Variants in ACTR10 observed in about 807,000 individuals in gnomAD.
ACTR10 encodes the protein actin-related protein 10.
ACTR10 carries 43 observed loss-of-function variants against 56.2 expected under a neutral mutation model. The ratio of observed to expected loss-of-function variants is 0.77; its 90% CI spans 0.60 to 0.99. ACTR10 has a LOEUF of 0.99. Among genes scored for constraint, ACTR10 ranks in the 50% least tolerant of loss-of-function variants. The pLI, the probability that ACTR10 is intolerant of heterozygous loss-of-function variation, is 0.00. For synonymous variants in ACTR10, 170 were observed against 176.3 expected (o/e 0.96, Z 0.28); for missense variants, 466 against 507.8 (o/e 0.92, Z 0.79).
intron 3 of ACTR10, among the ~76,000 whole-genome samples, chr14:58,208,564 G>A (rs954514942): frequency 2.0e-5 from 3 of 151,514 alleles, no homozygotes; most frequent in Non-Finnish European, 4.4e-5. Context: ...TAAAAAAAAA[G>A]AAAATATCGC....
chr14:58,206,629 G>A (rs897069993), intron 2 of ACTR10, among the ~76,000 whole-genome samples: 2 of 152,202 alleles, frequency 1.3e-5, no homozygotes, highest in Non-Finnish European at 2.9e-5. Context: ...AGAGAGGTCT[G>A]CCAATGATGC....
chr14:58,228,238 G>A (rs192213877), intron 10 of ACTR10, among the ~76,000 whole-genome samples: 2 of 152,292 alleles, frequency 1.3e-5, no homozygotes, highest in Admixed American at 6.5e-5. Flanking sequence ...GGTCCAGGAT[G>A]GCTGTTGGAG....
chr14:58,216,771 T>C (rs1889144292), intron 7 of ACTR10, among the ~76,000 whole-genome samples: 2 of 152,216 alleles, frequency 1.3e-5, no homozygotes, highest in Non-Finnish European at 2.9e-5. Context: ...CTTCCTCATC[T>C]TCCCTAAGCA....
At chr14:58,217,465 C>T (rs1566626638) in intron 7 of ACTR10, among the ~76,000 whole-genome samples, 1 of 151,754 alleles carries the variant, frequency 6.6e-6, no homozygotes, top group African/African-American at 2.4e-5. Flanking sequence ...GTCAAGAGTT[C>T]GAGACCAGCC....
At chr14:58,214,288 T>C (rs1889075784) in intron 6 of ACTR10, among the ~76,000 whole-genome samples, 1 of 152,216 alleles carries the variant, frequency 6.6e-6, no homozygotes, top group Non-Finnish European at 1.5e-5. Flanking sequence ...TATGCATGGC[T>C]TATTTCACTT....
At position 58,234,472 on chromosome 14, in the gene ACTR10, AC is replaced by A; in HGVS notation, c.1178del (p.Pro393HisfsTer5). The A allele has an allele frequency of 6.2e-7, 1 of 1,613,630 alleles. No homozygotes were observed. Among genetic ancestry groups the A allele is most frequent in the Non-Finnish European group, 8.5e-7 (1 of 1,179,756 alleles). On this transcript the variant is annotated frameshift_variant, in exon 13 of 13. Transcript: ENST00000254286. LOFTEE classifies it high-confidence loss of function. The part of the protein sequence containing the change: ...GRIPDWCSLN[N>X]PPLEMMFDVG... ...ATACCTGATTGGTGTTCTCTCAATA[AC>A]CCACCTTTGGAAATGATGTTTGATG... is the stretch of plus-strand genomic sequence containing the variant.
intron 12 of ACTR10, among the ~76,000 whole-genome samples, chr14:58,232,551 G>A (rs1259580463): frequency 1.3e-5 from 2 of 151,608 alleles, no homozygotes; most frequent in Non-Finnish European, 2.9e-5. Flanking sequence ...GACTAGCTGG[G>A]ACTGCAGGCG....
At chr14:58,217,162 A>G (rs1889151873) in intron 7 of ACTR10, among the ~76,000 whole-genome samples, 3 of 152,196 alleles carry the variant, frequency 2.0e-5, no homozygotes, top group Admixed American at 6.5e-5. Context: ...GCATCCCAAG[A>G]TGTTCTTTGT....
intron 4 of ACTR10, chr14:58,209,313 A>G (rs541144788): frequency 6.7e-6 from 2 of 296,544 alleles, no homozygotes; most frequent in Admixed American, 1.0e-4. Flanking sequence ...AGATTCTTCA[A>G]ACTGGCCATT....
At chr14:58,205,255 G>A (rs906782167) in intron 2 of ACTR10, among the ~76,000 whole-genome samples, 1 of 149,982 alleles carries the variant, frequency 6.7e-6, no homozygotes, top group Non-Finnish European at 1.5e-5. Context: ...AAAAAAACAT[G>A]TTATAGCAGA....
At chr14:58,226,611 G>GT (rs1360933240) in intron 10 of ACTR10, among the ~76,000 whole-genome samples, 8 of 151,518 alleles carry the variant, frequency 5.3e-5, no homozygotes, top group African/African-American at 1.7e-4. Flanking sequence ...GTTTTGTTTT[G>GT]TTTTTTGAGG....
At chr14:58,205,962 C>G (rs1888850422) in intron 2 of ACTR10, among the ~76,000 whole-genome samples, 1 of 149,852 alleles carries the variant, frequency 6.7e-6, no homozygotes, top group African/African-American at 2.4e-5. Flanking sequence ...GCGGAGGTGG[C>G]AGTGAGCTGA....
chr14:58,219,721 A>C lies in ACTR10; in HGVS notation c.626A>C (p.Asp209Ala), dbSNP rs1889219768. 1 of 1,525,416 alleles carries C rather than the reference A, an allele frequency of 6.6e-7. No homozygotes were observed. Among genetic ancestry groups the C allele is most frequent in the East Asian group, 2.4e-5 (1 of 40,878 alleles). The allele number at this position is 1,525,416 out of a possible 1,614,324, so 94.5% of individuals were successfully genotyped here. The change falls in exon 8 of 13, where the codon GAC becomes GCC. Residue 209 changes from aspartate to alanine, a missense_variant. By Grantham distance (126) the Asp-to-Ala change is moderately radical. Coordinates refer to ENST00000254286, the MANE Select transcript of ACTR10 (RefSeq NM_018477.3). ...MGSVPEGVLE[D>A]IKARTCFVSD... ...TCAGTTCCGGAAGGTGTCTTAGAGG[A>C]CATTAAAGGTAAACTAAGTTCTCAT...
chr14:58,208,944 C>G, intron 3 of ACTR10, 55 bp from the exon 4 acceptor site: 2 of 1,201,828 alleles, frequency 1.7e-6, no homozygotes, highest in Non-Finnish European at 2.4e-6. Context: ...AATTGTATGA[C>G]TTAACAAAAT....
Position 58,234,439 on chromosome 14 carries a change from C to T in ACTR10, c.1142C>T (p.Thr381Met), listed in dbSNP as rs775432778. The change falls in exon 13 of 13, where the codon ACG (threonine) becomes ATG (methionine). Residue 381 changes from threonine to methionine, a missense_variant. Transcript: ENST00000254286. The part of the protein sequence containing the change: ...RSVSKEYYNQ[T>M]GRIPDWCSLN... ...GTTTCAAAGGAATATTATAATCAGA[C>T]GGGCCGTATACCTGATTGGTGTTCT... 12 of 1,612,956 alleles carry T rather than the reference C, an allele frequency of 7.4e-6. No individual in the cohort carries two copies. The East Asian group carries it at 8.9e-5, about 12-fold the overall frequency.
At chr14:58,219,485 C>T in intron 7 of ACTR10, 1 of 378,876 alleles carries the variant, frequency 2.6e-6, no homozygotes, top group Non-Finnish European at 4.7e-6. Flanking sequence ...CAATTTTTTG[C>T]TTCAATTTCC....
chr14:58,221,511 T>C (rs566145204), intron 8 of ACTR10, among the ~76,000 whole-genome samples: 3 of 152,092 alleles, frequency 2.0e-5, no homozygotes, highest in African/African-American at 4.8e-5. Context: ...GGAGGATCAC[T>C]TGAGCCTGGG....
chr14:58,216,512 C>T (rs890414208), intron 7 of ACTR10, among the ~76,000 whole-genome samples: 27 of 152,284 alleles, frequency 1.8e-4, no homozygotes, highest in African/African-American at 6.3e-4. Flanking sequence ...TCCAAATTAT[C>T]TGTTGGATAT....
At chr14:58,224,199 G>A (rs957805823) in intron 10 of ACTR10, among the ~76,000 whole-genome samples, 3 of 151,876 alleles carry the variant, frequency 2.0e-5, no homozygotes, top group Non-Finnish European at 4.4e-5. Context: ...ACAGGTTTCC[G>A]CCATGTTAGC....
Sources: gnomAD v4.1 joint callset for allele counts (sites outside exome capture counted in the v4.1 genomes callset) on GRCh38, gnomAD v4.1.1 for gene constraint, MANE v1.5 for transcripts, NCBI Gene and HGNC (gene_info 2026-07-23, HGNC 2026-07-21) for gene names.